Variants in MKLN1 observed in about 807,000 individuals in gnomAD.
MKLN1 encodes muskelin.
MKLN1 carries 18 observed loss-of-function variants against 99.0 expected under a neutral mutation model. The ratio of observed to expected loss-of-function variants is 0.18; its 90% confidence interval spans 0.13 to 0.27. The LOEUF is 0.27. Among genes scored for constraint, MKLN1 ranks in the 10% least tolerant of loss-of-function variants. The pLI is 1.00. For missense variants in MKLN1, 621 were observed against 875.9 expected, an observed-to-expected ratio of 0.71 and a Z score of 3.67; for synonymous variants, 288 against 293.2, an observed-to-expected ratio of 0.98 and a Z score of 0.18.
At chr7:131,433,185 CTT>C in intron 9 of MKLN1, among the ~76,000 whole-genome samples, 1 of 152,248 alleles carries the variant, frequency 6.6e-6, no homozygotes, top group East Asian at 1.9e-4. Flanking sequence ...CCTAAACTTT[CTT>C]TGTCTTTCTT....
At chr7:131,140,210 C>A (rs1265756832) in intron 1 of MKLN1, among the ~76,000 whole-genome samples, 1 of 152,168 alleles carries the variant, frequency 6.6e-6, no homozygotes, top group African/African-American at 2.4e-5. Flanking sequence ...CTCTTGATAG[C>A]ATTTGCCTTT....
intron 3 of MKLN1, among the ~76,000 whole-genome samples, chr7:131,309,589 T>C (rs1798525807): frequency 6.6e-6 from 1 of 151,994 alleles, no homozygotes; most frequent in South Asian, 2.1e-4. Flanking sequence ...ATTGTTGTAT[T>C]TTTAGTAGAG....
chr7:131,151,675 A>G (rs1397989234), intron 2 of MKLN1, among the ~76,000 whole-genome samples: 9 of 152,220 alleles, frequency 5.9e-5, no homozygotes, highest in Non-Finnish European at 1.3e-4. Context: ...AGAAATGGCA[A>G]TACATGTGCA....
chr7:131,304,046 A>G (rs952581769), intron 3 of MKLN1, among the ~76,000 whole-genome samples: 1 of 152,236 alleles, frequency 6.6e-6, no homozygotes, highest in African/African-American at 2.4e-5. Context: ...GTATGTGTAC[A>G]ATATAGGTAT....
At chr7:131,443,343 T>C (rs1234632525) in intron 10 of MKLN1, 138 bp from the exon 11 acceptor site, 2 of 612,120 alleles carry the variant, frequency 3.3e-6, no homozygotes, top group Admixed American at 2.9e-5. Context: ...CATATGATAA[T>C]CAGGGGTGGT....
intron 2 of MKLN1, among the ~76,000 whole-genome samples, chr7:131,151,074 T>C (rs1259820914): frequency 1.3e-5 from 2 of 152,190 alleles, no homozygotes; most frequent in Non-Finnish European, 2.9e-5. Context: ...ACTACAAATA[T>C]CCGTTAACTA....
intron 1 of MKLN1, among the ~76,000 whole-genome samples, chr7:131,134,642 CTCTA>C (rs1795620275): frequency 6.6e-6 from 1 of 152,130 alleles, no homozygotes; most frequent in Admixed American, 6.5e-5. Flanking sequence ...ACTCCCAAAC[CTCTA>C]TCTAATTGAT....
intron 2 of MKLN1, among the ~76,000 whole-genome samples, chr7:131,165,857 G>A (rs1267658739): frequency 6.6e-6 from 1 of 152,188 alleles, no homozygotes; most frequent in Non-Finnish European, 1.5e-5. Context: ...GCTCATGCCT[G>A]TAATCCCAGC....
chr7:131,477,006 T>C (rs1448676987), intron 16 of MKLN1, among the ~76,000 whole-genome samples: 1 of 152,142 alleles, frequency 6.6e-6, no homozygotes, highest in African/African-American at 2.4e-5. Context: ...CAAATGATAC[T>C]GAATAACTGG....
intron 17 of MKLN1, among the ~76,000 whole-genome samples, chr7:131,479,153 T>G (rs1025001943): frequency 4.6e-5 from 7 of 152,214 alleles, no homozygotes; most frequent in African/African-American, 1.7e-4. Context: ...TCTTAATTGT[T>G]CAAGATAACT....
intron 8 of MKLN1, among the ~76,000 whole-genome samples, chr7:131,427,702 C>T (rs565088729): frequency 1.4e-4 from 21 of 152,120 alleles, no homozygotes; most frequent in African/African-American, 3.6e-4. Context: ...TACAGGTGCC[C>T]GTCACCACAC....
intron 3 of MKLN1, among the ~76,000 whole-genome samples, chr7:131,301,444 A>C (rs1034502829): frequency 6.6e-6 from 1 of 152,236 alleles, no homozygotes; most frequent in African/African-American, 2.4e-5. Context: ...GAAGAAAAGA[A>C]GTCATCAACA....
upstream of MKLN1, chr7:131,323,674 A>C (rs1798829516): frequency 1.3e-5 from 2 of 152,162 alleles, no homozygotes; most frequent in African/African-American, 4.8e-5. Flanking sequence ...TTGATTTCTC[A>C]TAACTCAGGA....
At chr7:131,240,397 A>T (rs1797384696) in intron 3 of MKLN1, among the ~76,000 whole-genome samples, 1 of 152,200 alleles carries the variant, frequency 6.6e-6, no homozygotes, top group South Asian at 2.1e-4. Context: ...TCAAATATAA[A>T]TATTGGCAAA....
intron 3 of MKLN1, among the ~76,000 whole-genome samples, chr7:131,250,469 G>C (rs1797560979): frequency 6.6e-6 from 1 of 152,100 alleles, no homozygotes; most frequent in South Asian, 2.1e-4. Context: ...CAGGACCGAG[G>C]CTGCAGATGA....
At chr7:131,416,325 T>C (rs1012741783) in intron 8 of MKLN1, among the ~76,000 whole-genome samples, 1 of 152,146 alleles carries the variant, frequency 6.6e-6, no homozygotes, top group African/African-American at 2.4e-5. Flanking sequence ...ATAGGTAAAG[T>C]ACATGTGTAA....
In MKLN1 at chr7:131,138,016, C is replaced by A. The variant is rs574607913; in HGVS notation, c.-418-4804C>A. Among the ~76,000 whole-genome samples, 396 of 151,364 alleles carry A rather than the reference C, an allele frequency of 2.6e-3. 5 individuals carry two copies. The highest frequency in any genetic ancestry group is 9.1e-3 in the African/African-American group (376 of 41,300). ...TCTCGGCTCACCGCAACCTCCGCCT[C>A]CCGGGTTCAAGTGATTCTCCTGCCT... On this transcript the variant is annotated intron_variant, in intron 1 of 7. Transcript: ENST00000416992.
chr7:131,181,434 G>T (rs1031839873), intron 2 of MKLN1, among the ~76,000 whole-genome samples: 3 of 152,150 alleles, frequency 2.0e-5, no homozygotes, highest in African/African-American at 4.8e-5. Flanking sequence ...CAGGCCAGGC[G>T]CAGTGACTCA....
At chr7:131,466,008 CATT>C (rs1796651878) in intron 14 of MKLN1, among the ~76,000 whole-genome samples, 1 of 152,120 alleles carries the variant, frequency 6.6e-6, no homozygotes, top group Non-Finnish European at 1.5e-5. Context: ...TTCTTCCTAT[CATT>C]GTTTTTGTTT....
Sources: gnomAD v4.1 joint callset for allele counts (sites outside exome capture counted in the v4.1 genomes callset) on GRCh38, gnomAD v4.1.1 for gene constraint, MANE v1.5 for transcripts, NCBI Gene and HGNC (gene_info 2026-07-23, HGNC 2026-07-21) for gene names.